Variants in SPI1 observed in about 807,000 individuals in gnomAD.
SPI1 encodes transcription factor PU.1.
Under a neutral mutation model 30.7 loss-of-function variants are expected in SPI1, and 3 were observed. That is an observed-to-expected ratio of 0.10 (90% CI 0.04 to 0.25). The LOEUF is 0.25. Among genes scored for constraint, SPI1 ranks in the 10% least tolerant of loss-of-function variants. The probability of loss-of-function intolerance (pLI) is 1.00; values close to 1 mark genes in which losing one functional copy is unlikely to be tolerated. For missense variants in SPI1, 261 were observed against 371.5 expected, an observed-to-expected ratio of 0.70 and a Z score of 2.45; for synonymous variants, 169 against 157.1, an observed-to-expected ratio of 1.08 and a Z score of -0.56.
At chr11:47,378,105 G>A (rs1031498578) in intron 1 of SPI1, among the ~76,000 whole-genome samples, 11 of 152,366 alleles carry the variant, frequency 7.2e-5, no homozygotes, top group Non-Finnish European at 1.5e-4. Flanking sequence ...CCCACCGTGG[G>A]CCTGGCCTCA....
intron 4 of SPI1, 36 bp from the exon 5 acceptor site, chr11:47,355,582 G>A: frequency 1.3e-6 from 2 of 1,515,854 alleles, no homozygotes; most frequent in African/African-American, 1.4e-5. Flanking sequence ...GGGGGCCCGG[G>A]GCCCACATGG....
rs562522491 is a variant in SPI1, at chr11:47,374,158, G to A, written c.142+1475C>T. ...TGGAACCGCTTGGGAAGGTGGGTGC[G>A]TGGTCTCTGGGTCCCCCAGACCGGG... On this transcript the variant is annotated intron_variant, in intron 2 of 4. Coordinates refer to ENST00000378538, the MANE Select transcript of SPI1 (RefSeq NM_003120.3). The surrounding 1 kb of genome is among the most constrained non-coding windows in gnomAD (Gnocchi z 4.5). Among the ~76,000 whole-genome samples the A allele has an allele frequency of 9.2e-5, 14 of 152,322 alleles. No individual in the cohort carries two copies. The highest frequency in any genetic ancestry group is 3.4e-4 in the African/African-American group (14 of 41,574).
chr11:47,369,764 C>T (rs2095933212), intron 2 of SPI1, among the ~76,000 whole-genome samples: 1 of 152,190 alleles, frequency 6.6e-6, no homozygotes, highest in Non-Finnish European at 1.5e-5. Context: ...AATTAAGTGA[C>T]AGCATAGAAT....
In SPI1 at chr11:47,355,955, GCAAC is replaced by G. The variant is rs1002362379; in HGVS notation, c.494-413_494-410del. ...ACTCACACTCATGCTTAAACACAAT[GCAAC>G]CACTCACTCATGCTCACACCCACAC... is the stretch of plus-strand genomic sequence containing the variant. On this transcript the variant is annotated intron_variant, in intron 4 of 4. Coordinates refer to ENST00000378538, the MANE Select transcript of SPI1 (RefSeq NM_003120.3). Among the ~76,000 whole-genome samples, 22 of 98,738 alleles carry G rather than the reference GCAAC, an allele frequency of 2.2e-4. 1 individual carries two copies. In the South Asian group the frequency reaches 4.2e-3, roughly 19 times the overall value. The allele number at this position is 98,738 out of a possible 152,430, so 64.8% of individuals were successfully genotyped here. A position where few individuals can be genotyped will look rare whatever the true frequency, so the allele number is the denominator to read the frequency against.
chr11:47,368,963 A>G (rs1033144287), intron 2 of SPI1, among the ~76,000 whole-genome samples: 21 of 152,334 alleles, frequency 1.4e-4, no homozygotes, highest in Admixed American at 6.5e-5. Context: ...AAAGAGTAAT[A>G]GGCTGGGCAT....
intron 4 of SPI1, among the ~76,000 whole-genome samples, chr11:47,357,481 TCA>T (rs538279687): frequency 2.1e-4 from 32 of 151,686 alleles, no homozygotes; most frequent in East Asian, 1.2e-3. Context: ...ACTCAAATGC[TCA>T]CACACATTCT....
Position 47,360,340 on chromosome 11 carries a change from C to T in SPI1, c.143-300G>A, listed in dbSNP as rs569450891. Among the ~76,000 whole-genome samples the T allele has an allele frequency of 5.9e-5, 9 of 152,244 alleles. No individual in the cohort carries two copies. The East Asian group carries it at 1.2e-3, about 20-fold the overall frequency. On this transcript the variant is annotated intron_variant, in intron 2 of 4. Coordinates refer to ENST00000378538, the MANE Select transcript of SPI1 (RefSeq NM_003120.3). ...TTCCTGTGCAGTCACACAGACCGAG[C>T]GTCTAATCCTGGCTCTGCCATTTAC... is the stretch of plus-strand genomic sequence containing the variant.
At chr11:47,364,303 G>T (rs1237927865) in intron 2 of SPI1, among the ~76,000 whole-genome samples, 3 of 152,058 alleles carry the variant, frequency 2.0e-5, no homozygotes. Context: ...ACCCGCCTCG[G>T]CCTCCCAAAG....
chr11:47,357,202 CAT>C (rs61678570), intron 4 of SPI1, among the ~76,000 whole-genome samples: 2,211 of 151,584 alleles, frequency 0.015, 29 homozygotes, highest in African/African-American at 0.038. Flanking sequence ...CCTGCCCACA[CAT>C]ATCTGCACAC....
intron 2 of SPI1, among the ~76,000 whole-genome samples, chr11:47,371,667 T>TAAA (rs202084665): frequency 7.2e-6 from 1 of 138,562 alleles, no homozygotes. Context: ...AACTCCGTCT[T>TAAA]AAAAAAAAAA....
At chr11:47,373,959 G>T (rs2095939164) in intron 2 of SPI1, among the ~76,000 whole-genome samples, 1 of 152,242 alleles carries the variant, frequency 6.6e-6, no homozygotes, top group Non-Finnish European at 1.5e-5. Context: ...TTACAGGAAG[G>T]AAAACTGAGG....
chr11:47,370,803 C>T (rs1272541474), intron 2 of SPI1, among the ~76,000 whole-genome samples: 1 of 152,044 alleles, frequency 6.6e-6, no homozygotes, highest in Non-Finnish European at 1.5e-5. Flanking sequence ...ATGGTCATAA[C>T]AGTGGAAAAT....
chr11:47,368,511 G>A (rs1438454393), intron 2 of SPI1, among the ~76,000 whole-genome samples: 2 of 152,166 alleles, frequency 1.3e-5, no homozygotes, highest in Admixed American at 6.6e-5. Flanking sequence ...CCTAAGTGTC[G>A]GACGGCTGGA....
At chr11:47,357,506 A>T (rs1203542129) in intron 4 of SPI1, among the ~76,000 whole-genome samples, 2 of 147,792 alleles carry the variant, frequency 1.4e-5, no homozygotes, top group Non-Finnish European at 1.5e-5. Context: ...TCTCACATCC[A>T]CTCACAGCAG....
chr11:47,356,625 A>G (rs914571305), intron 4 of SPI1, among the ~76,000 whole-genome samples: 1 of 151,420 alleles, frequency 6.6e-6, no homozygotes, highest in Admixed American at 6.6e-5. Context: ...TTGCTTACAC[A>G]TGCTTGCACA....
chr11:47,371,393 G>A (rs1477871994), intron 2 of SPI1, among the ~76,000 whole-genome samples: 1 of 108 alleles, frequency 9.3e-3, no homozygotes, highest in Non-Finnish European at 0.026. Flanking sequence ...AAGGCAAGGC[G>A]TGATGGCTCA....
At chr11:47,369,783 T>C (rs989789214) in intron 2 of SPI1, among the ~76,000 whole-genome samples, 10 of 152,258 alleles carry the variant, frequency 6.6e-5, no homozygotes, top group Admixed American at 5.2e-4. Flanking sequence ...ATAAAAGACA[T>C]GAGGCAAAAC....
At chr11:47,366,976 T>C (rs2095929268) in intron 2 of SPI1, among the ~76,000 whole-genome samples, 1 of 152,212 alleles carries the variant, frequency 6.6e-6, no homozygotes, top group South Asian at 2.1e-4. Flanking sequence ...AGAACCTGTG[T>C]TTTATTCATT....
chr11:47,359,901 G>T lies in SPI1; in HGVS notation c.282C>A (p.His94Gln). 1 of 1,610,184 alleles carries T rather than the reference G, an allele frequency of 6.2e-7. No individual in the cohort carries two copies. The change falls in exon 3 of 5, where the codon CAC (histidine) becomes CAA (glutamine). Residue 94 changes from histidine to glutamine, a missense_variant. Physicochemically the swap from His to Gln is conservative, Grantham distance 24. Coordinates refer to ENST00000378538, the MANE Select transcript of SPI1 (RefSeq NM_003120.3). The surrounding 1 kb of genome is among the most constrained non-coding windows in gnomAD (Gnocchi z 5.1). ...GTGGCACCATGGGGGTATCGAGGAC[G>T]TGCATCTGCTCCAGCTCCATGTGGC... Reference protein sequence around the residue: ...LYRHMELEQMHVLDTPMVPPH... With the variant: ...LYRHMELEQMQVLDTPMVPPH...
Sources: gnomAD v4.1 joint callset for allele counts (sites outside exome capture counted in the v4.1 genomes callset) on GRCh38, gnomAD v4.1.1 for gene constraint, Gnocchi (gnomAD v3.1) non-coding constraint, MANE v1.5 for transcripts, NCBI Gene and HGNC (gene_info 2026-07-23, HGNC 2026-07-21) for gene names.